SHISA6: variants seen among roughly 807,000 people sequenced by gnomAD.
SHISA6 encodes shisa family member 6, also known as protein shisa-6.
Under a neutral mutation model 47.9 loss-of-function variants are expected in SHISA6, and 22 were observed. The observed-to-expected ratio is 0.46, with a 90% confidence interval of 0.33 to 0.66. The LOEUF is 0.66. Ranked by LOEUF, SHISA6 falls within the 30% of genes least tolerant of loss-of-function variation. SHISA6 has a pLI of 0.02. For missense variants in SHISA6, 680 were observed against 764.6 expected (o/e 0.89, Z 1.30); for synonymous variants, 388 against 337.8 (o/e 1.15, Z -1.63).
chr17:11,301,192 A>C (rs1241394831), intron 2 of SHISA6, among the ~76,000 whole-genome samples: 2 of 151,872 alleles, frequency 1.3e-5, no homozygotes, highest in African/African-American at 4.8e-5. Flanking sequence ...CTTCCTCCCT[A>C]ACAGCCTATG....
intron 3 of SHISA6, chr17:11,379,809 G>T: frequency 3.3e-6 from 1 of 303,992 alleles, no homozygotes; most frequent in Non-Finnish European, 6.1e-6. Flanking sequence ...GAAAACTGCC[G>T]GTGGATGTAG....
At chr17:11,450,007 C>T (rs1915343381) in intron 3 of SHISA6, among the ~76,000 whole-genome samples, 1 of 152,186 alleles carries the variant, frequency 6.6e-6, no homozygotes. Context: ...GCGTCAGCCT[C>T]CCAAGTAGCT....
chr17:11,310,952 G>GA, intron 2 of SHISA6, among the ~76,000 whole-genome samples: 1 of 151,768 alleles, frequency 6.6e-6, no homozygotes, highest in Admixed American at 6.6e-5. Context: ...ACTAAAAATA[G>GA]AAAAAATTAG....
chr17:11,354,548 T>A (rs1376614319), intron 2 of SHISA6, among the ~76,000 whole-genome samples: 1 of 152,204 alleles, frequency 6.6e-6, no homozygotes, highest in Non-Finnish European at 1.5e-5. Context: ...GGGAGTAAAT[T>A]AATGAGACGC....
At chr17:11,489,015 A>G (rs1916414454) in intron 3 of SHISA6, among the ~76,000 whole-genome samples, 1 of 151,820 alleles carries the variant, frequency 6.6e-6, no homozygotes, top group Non-Finnish European at 1.5e-5. Context: ...GGGTATGTCA[A>G]CTCCTAGTTT....
At chr17:11,440,431 A>G (rs112375323) in intron 3 of SHISA6, among the ~76,000 whole-genome samples, 6 of 152,062 alleles carry the variant, frequency 3.9e-5, no homozygotes, top group African/African-American at 1.2e-4. Flanking sequence ...TTGCTCCTCC[A>G]TGCATTTTTG....
intron 2 of SHISA6, among the ~76,000 whole-genome samples, chr17:11,366,533 G>A (rs1372114098): frequency 6.6e-6 from 1 of 152,234 alleles, no homozygotes; most frequent in Non-Finnish European, 1.5e-5. Context: ...AGACTTTTCT[G>A]TGTGTTATGC....
intron 2 of SHISA6, among the ~76,000 whole-genome samples, chr17:11,353,454 T>TAA (rs531371915): frequency 1.3e-4 from 16 of 126,312 alleles, no homozygotes; most frequent in East Asian, 2.2e-4. Context: ...AGACTCCGTC[T>TAA]AAAAAAAAAA....
chr17:11,490,286 A>G (rs1317075738), intron 3 of SHISA6, among the ~76,000 whole-genome samples: 1 of 152,146 alleles, frequency 6.6e-6, no homozygotes, highest in East Asian at 1.9e-4. Flanking sequence ...GTGGTGAATA[A>G]TCACAACGGT....
intron 2 of SHISA6, among the ~76,000 whole-genome samples, chr17:11,271,959 C>T (rs1178829028): frequency 6.6e-6 from 1 of 151,992 alleles, no homozygotes; most frequent in Admixed American, 6.6e-5. Flanking sequence ...GATGAGCCCA[C>T]CCTCCTTTTC....
chr17:11,388,789 TTTATATATATA>T (rs1484859130), intron 3 of SHISA6, among the ~76,000 whole-genome samples: 2 of 61,712 alleles, frequency 3.2e-5, no homozygotes, highest in African/African-American at 1.5e-4. Flanking sequence ...CAAACAAAAG[TTTATATATATA>T]TATATATATA....
rs1907315740 is a variant in SHISA6, at chr17:11,241,373, G to A, written c.-50G>A. On this transcript the variant is annotated 5_prime_UTR_variant, in exon 1 of 6. Transcript: ENST00000441885. The surrounding 1 kb of genome is among the most constrained non-coding windows in gnomAD (Gnocchi z 5.5). ...GGTCCTCCGAGCCCGGCCCGCCGGG[G>A]GAGCGGCCTGCCGCGGAAGCCTCCC... is the stretch of plus-strand genomic sequence containing the variant. The A allele has an allele frequency of 2.0e-6, 2 of 1,024,984 alleles. No individual in the cohort carries two copies. The highest frequency in any genetic ancestry group is 1.7e-5 in the African/African-American group (1 of 57,278). The allele number at this position is 1,024,984 out of a possible 1,614,324, so 63.5% of individuals were successfully genotyped here.
chr17:11,351,787 G>T (rs970681904), intron 2 of SHISA6, among the ~76,000 whole-genome samples: 1 of 152,188 alleles, frequency 6.6e-6, no homozygotes, highest in Non-Finnish European at 1.5e-5. Flanking sequence ...GAATGGCACC[G>T]TCAAATGAAA....
chr17:11,500,999 C>G (rs1355463573), intron 3 of SHISA6, among the ~76,000 whole-genome samples: 1 of 152,186 alleles, frequency 6.6e-6, no homozygotes, highest in Non-Finnish European at 1.5e-5. Context: ...GAAACTGCAG[C>G]TCAGCAAAAC....
intron 3 of SHISA6, among the ~76,000 whole-genome samples, chr17:11,384,969 C>G (rs766207067): frequency 6.6e-6 from 1 of 152,188 alleles, no homozygotes; most frequent in East Asian, 1.9e-4. Flanking sequence ...ATCACATTTC[C>G]TGAGCACTGG....
chr17:11,318,406 CA>C (rs1356604769), intron 2 of SHISA6, among the ~76,000 whole-genome samples: 1 of 152,184 alleles, frequency 6.6e-6, no homozygotes, highest in African/African-American at 2.4e-5. Flanking sequence ...CGTCCTGTGC[CA>C]AGCCACAGGG....
At chr17:11,548,244 A>AC (rs1158609901) in intron 3 of SHISA6, among the ~76,000 whole-genome samples, 5 of 152,050 alleles carry the variant, frequency 3.3e-5, no homozygotes, top group Non-Finnish European at 5.9e-5. Context: ...CAATAGAAGG[A>AC]CCCCCCGAAA....
chr17:11,486,032 C>T (rs1916339690), intron 3 of SHISA6, among the ~76,000 whole-genome samples: 1 of 152,180 alleles, frequency 6.6e-6, no homozygotes, highest in Non-Finnish European at 1.5e-5. Flanking sequence ...ACAAAAACTG[C>T]TGTAAGAAGC....
chr17:11,510,873 C>T (rs370393145), intron 3 of SHISA6, among the ~76,000 whole-genome samples: 2 of 152,154 alleles, frequency 1.3e-5, no homozygotes, highest in African/African-American at 2.4e-5. Context: ...GAGTCAGCAT[C>T]GTTTGTAGCT....
Sources: gnomAD v4.1 joint callset for allele counts (sites outside exome capture counted in the v4.1 genomes callset) on GRCh38, gnomAD v4.1.1 for gene constraint, Gnocchi (gnomAD v3.1) non-coding constraint, MANE v1.5 for transcripts, NCBI Gene and HGNC (gene_info 2026-07-23, HGNC 2026-07-21) for gene names.